Variants in IKBKB-DT observed in about 807,000 individuals in gnomAD.
IKBKB-DT encodes the protein IKBKB antisense RNA.
intron 1 of IKBKB-DT, among the ~76,000 whole-genome samples, chr8:42,268,843 A>G (rs1239245186): frequency 1.3e-5 from 2 of 152,150 alleles, no homozygotes; most frequent in African/African-American, 4.8e-5. Context: ...CTGGGATTAC[A>G]GGCATGAGCC....
In IKBKB-DT at chr8:42,241,125, A is replaced by T. The variant is rs1241081800; in HGVS notation, n.1530-7266T>A. 2.6e-5 allele frequency among the ~76,000 whole-genome samples: 4 copies of T among 151,978 alleles called. No individual in the cohort carries two copies. In the East Asian group the frequency reaches 7.7e-4, roughly 29 times the overall value. On this transcript the variant is annotated intron_variant and non_coding_transcript_variant, in intron 3 of 3. Coordinates refer to ENST00000518213, the Ensembl canonical transcript of IKBKB-DT. ...TTATAGTCAAATGTTAAAAGAAAAA[A>T]TCAGTTGCTTTTAATCTTTGTTTCC... is the stretch of plus-strand genomic sequence containing the variant.
intron 3 of IKBKB-DT, among the ~76,000 whole-genome samples, chr8:42,239,229 T>C (rs1806967118): frequency 6.6e-6 from 1 of 152,070 alleles, no homozygotes. Context: ...GGCTGGAGGC[T>C]TTATGTCAGC....
At chr8:42,254,882 G>A (rs1320045951) in intron 3 of IKBKB-DT, among the ~76,000 whole-genome samples, 18 of 146,984 alleles carry the variant, frequency 1.2e-4, no homozygotes, top group East Asian at 2.0e-4. Flanking sequence ...GCCTCTGTCC[G>A]GCTGCCCACT....
At chr8:42,261,431 C>A (rs1311267149) in intron 3 of IKBKB-DT, among the ~76,000 whole-genome samples, 1 of 152,130 alleles carries the variant, frequency 6.6e-6, no homozygotes, top group Non-Finnish European at 1.5e-5. Flanking sequence ...CCCTCTCCCC[C>A]TTGAGTGAAA....
intron 1 of IKBKB-DT, among the ~76,000 whole-genome samples, chr8:42,267,447 C>T (rs1464248293): frequency 3.3e-5 from 5 of 152,150 alleles, no homozygotes. Flanking sequence ...CAGAACAAAT[C>T]CGTGTGTGAT....
At chr8:42,255,955 G>A (rs1807194176) in intron 3 of IKBKB-DT, among the ~76,000 whole-genome samples, 1 of 151,712 alleles carries the variant, frequency 6.6e-6, no homozygotes, top group Non-Finnish European at 1.5e-5. Flanking sequence ...GAACCCGGGA[G>A]GTGGAGGTTG....
At chr8:42,261,446 T>G (rs1807287948) in intron 3 of IKBKB-DT, among the ~76,000 whole-genome samples, 1 of 152,114 alleles carries the variant, frequency 6.6e-6, no homozygotes, top group South Asian at 2.1e-4. Flanking sequence ...GTGAAATAAT[T>G]ACCTCTAGCA....
At chr8:42,258,228 C>T (rs1585466895) in intron 3 of IKBKB-DT, among the ~76,000 whole-genome samples, 1 of 152,048 alleles carries the variant, frequency 6.6e-6, no homozygotes, top group East Asian at 1.9e-4. Context: ...TTTTGAGATC[C>T]TTATAATAAA....
intron 3 of IKBKB-DT, among the ~76,000 whole-genome samples, chr8:42,252,056 G>C (rs751279004): frequency 6.6e-6 from 1 of 152,170 alleles, no homozygotes; most frequent in South Asian, 2.1e-4. Context: ...ATAGGAAAAG[G>C]CTACCTGGAG....
At chr8:42,268,535 TG>T (rs1291551122) in intron 1 of IKBKB-DT, among the ~76,000 whole-genome samples, 2 of 151,876 alleles carry the variant, frequency 1.3e-5, no homozygotes, top group African/African-American at 4.8e-5. Flanking sequence ...CCTTCCAAAG[TG>T]CTGAGATTAC....
intron 2 of IKBKB-DT, among the ~76,000 whole-genome samples, chr8:42,265,207 C>T (rs903834464): frequency 3.3e-5 from 5 of 152,178 alleles, no homozygotes; most frequent in South Asian, 2.1e-4. Context: ...ATGTTTCCCA[C>T]GCTGATTGTG....
At chr8:42,243,095 T>C (rs12114934) in intron 3 of IKBKB-DT, among the ~76,000 whole-genome samples, 1 of 151,934 alleles carries the variant, frequency 6.6e-6, no homozygotes, top group East Asian at 1.9e-4. Flanking sequence ...GTGAGCAGGT[T>C]GGGGGTGGTC....
chr8:42,250,756 G>T (rs1342717708), intron 3 of IKBKB-DT, among the ~76,000 whole-genome samples: 1 of 152,086 alleles, frequency 6.6e-6, no homozygotes, highest in African/African-American at 2.4e-5. Context: ...AGTGGTGTGT[G>T]TCTGTAATTC....
intron 3 of IKBKB-DT, among the ~76,000 whole-genome samples, chr8:42,241,867 G>A (rs543426889): frequency 2.6e-4 from 39 of 152,214 alleles, no homozygotes; most frequent in Non-Finnish European, 4.7e-4. Context: ...TTAGATGGTC[G>A]AACTAATATT....
exon 1 of IKBKB-DT, chr8:42,271,235 C>A: frequency 1.5e-6 from 1 of 662,126 alleles, no homozygotes; most frequent in South Asian, 1.6e-5. Flanking sequence ...GCACTCGCAG[C>A]ATCCGGACCT....
chr8:42,264,180 T>C lies in IKBKB-DT; in HGVS notation n.1386-708A>G, dbSNP rs149563327. ...TTTATTTTAAAATTAATTTTATTTT[T>C]TATAATTAATTATAAAATTATATTT... On this transcript the variant is annotated intron_variant and non_coding_transcript_variant, in intron 2 of 3. Transcript: ENST00000518213. 4.8e-3 allele frequency among the ~76,000 whole-genome samples: 724 copies of C among 150,684 alleles called. 12 individuals carry two copies. Among genetic ancestry groups the C allele is most frequent in the African/African-American group, 0.017 (693 of 41,376 alleles).
chr8:42,247,787 C>T (rs1807080538), intron 3 of IKBKB-DT, among the ~76,000 whole-genome samples: 1 of 152,014 alleles, frequency 6.6e-6, no homozygotes, highest in African/African-American at 2.4e-5. Context: ...TCTATCTTTC[C>T]TGCTGCCTTG....
chr8:42,266,744 C>T (rs1263438885), intron 1 of IKBKB-DT, among the ~76,000 whole-genome samples: 1 of 152,132 alleles, frequency 6.6e-6, no homozygotes, highest in Non-Finnish European at 1.5e-5. Flanking sequence ...CCCACCAAAA[C>T]CAAGATGGCC....
intron 3 of IKBKB-DT, among the ~76,000 whole-genome samples, chr8:42,261,361 T>C (rs574814980): frequency 6.6e-6 from 1 of 152,240 alleles, no homozygotes; most frequent in Non-Finnish European, 1.5e-5. Flanking sequence ...TTTTGAGGAA[T>C]GCAAGCCCCT....
Sources: allele counts gnomAD v4.1 joint callset (sites outside exome capture counted in the v4.1 genomes callset), GRCh38; gene constraint gnomAD v4.1.1; transcripts MANE v1.5; gene names NCBI Gene and HGNC (gene_info 2026-07-23, HGNC 2026-07-21).